Variants in PLXND1 observed in about 807,000 individuals in gnomAD.
PLXND1 encodes the protein plexin D1, also known as plexin-D1.
A neutral mutation model predicts 197.7 loss-of-function variants in PLXND1; 54 were observed. The ratio of observed to expected loss-of-function variants is 0.27; its 90% CI spans 0.22 to 0.34. The LOEUF (loss-of-function observed/expected upper bound fraction) is 0.34, where lower values mean the gene tolerates loss of function less well. Among genes scored for constraint, PLXND1 ranks in the 10% least tolerant of loss-of-function variants. The pLI is 1.00. For missense variants in PLXND1, 2,127 were observed against 2,699.2 expected (o/e 0.79, Z 4.70); for synonymous variants, 1,180 against 1,161.2 (o/e 1.02, Z -0.33).
rs568946803 is a variant in PLXND1, at chr3:129,577,555, G to A, written c.2346+774C>T. On this transcript the variant is annotated intron_variant, in intron 9 of 35. Coordinates refer to ENST00000324093, the MANE Select transcript of PLXND1 (RefSeq NM_015103.3). This position sits in a 1 kb window ranked among gnomAD's most constrained non-coding sequence, Gnocchi z 5.0. ...CCGACACATCCCAGATGCCCGGCAC[G>A]TGGCCACCACGTGTGACAGCTCTCA... Among the ~76,000 whole-genome samples, 7 of 152,166 alleles carry A rather than the reference G, an allele frequency of 4.6e-5. No individual in the cohort carries two copies. The highest frequency in any genetic ancestry group is 1.2e-4 in the African/African-American group (5 of 41,570).
rs1467095603 is a variant in PLXND1 at position 129,605,367 on chromosome 3, C to T, written c.1273G>A (p.Gly425Ser). ...VVAVLDSVVQ[G>S]TGPACERKLN... ...TTGCGCTCACAGGCCGGTCCCGTGC[C>T]CTGCACCACGCTGTCGAGCACCGCC... The change falls in exon 1 of 36, where the codon GGC (glycine) becomes AGC (serine). Residue 425 changes from glycine (G) to serine (S), a missense_variant. By Grantham distance (56) the Gly-to-Ser change is moderately conservative (BLOSUM62 0). Coordinates refer to ENST00000324093, the MANE Select transcript of PLXND1 (RefSeq NM_015103.3). 1 of 1,494,538 alleles carries T rather than the reference C, an allele frequency of 6.7e-7. No individual in the cohort carries two copies. The highest frequency in any genetic ancestry group is 8.8e-7 in the Non-Finnish European group (1 of 1,130,392). The allele number at this position is 1,494,538 out of a possible 1,614,324, so 92.6% of individuals were successfully genotyped here.
chr3:129,557,245 T>C lies in PLXND1; in HGVS notation c.5446-22A>G, dbSNP rs770267860. 1.4e-5 allele frequency: 23 copies of C among 1,613,242 alleles called. No homozygotes were observed. In the East Asian group the frequency reaches 4.7e-4, roughly 33 times the overall value. The stretch of plus-strand genomic sequence containing the variant: ...AATCCTGGGCAGAGAAGAGCGAGGG[T>C]GTTAGATGGCTGCTGGAGAAAGGAC... On this transcript the variant is annotated intron_variant, in intron 33 of 35. Transcript: ENST00000324093. This position sits in a 1 kb window ranked among gnomAD's most constrained non-coding sequence, Gnocchi z 4.8.
intron 25 of PLXND1, 97 bp from the exon 26 acceptor site, chr3:129,563,337 C>A (rs2085090843): frequency 1.0e-6 from 1 of 979,926 alleles, no homozygotes; most frequent in East Asian, 2.7e-5. Flanking sequence ...CCCAACCCCT[C>A]CAACAGTCTC....
chr3:129,583,186 C>T (rs559897887), intron 8 of PLXND1, among the ~76,000 whole-genome samples: 3 of 152,270 alleles, frequency 2.0e-5, no homozygotes, highest in African/African-American at 4.8e-5. Context: ...CCCTGAACAC[C>T]TAGGGTTGTT....
intron 13 of PLXND1, among the ~76,000 whole-genome samples, chr3:129,573,237 C>A (rs929443781): frequency 6.6e-6 from 1 of 152,090 alleles, no homozygotes; most frequent in Non-Finnish European, 1.5e-5. Flanking sequence ...TTCCTACGGC[C>A]CCTCTGGGCC....
At chr3:129,596,834 T>C (rs1477879555) in intron 1 of PLXND1, among the ~76,000 whole-genome samples, 1 of 152,174 alleles carries the variant, frequency 6.6e-6, no homozygotes, top group African/African-American at 2.4e-5. Context: ...GCACGACCGC[T>C]GTGGACACAG....
chr3:129,560,406 G>C lies in PLXND1; in HGVS notation c.5057C>G (p.Pro1686Arg). Residue 1686 changes from proline to arginine, a missense_variant, in exon 31 of 36, where the codon CCC (proline) becomes CGC (arginine). By Grantham distance (103) the Pro-to-Arg change is moderately radical. Around this residue, in one of 6 missense-constraint regions of PLXND1, gnomAD observed 53 missense variants for 41.4 expected, o/e 1.28. Coordinates refer to ENST00000324093, the MANE Select transcript of PLXND1 (RefSeq NM_015103.3). ...ATGGCTCTGCCGGTGAGACTTCTTG[G>C]GCTCCGCCAGCTCGTCCGTAGGCAG... ...LVLPTDELAE[P>R]KKSHRQSHRK... is the part of the protein sequence containing the mutation. 6 of 1,613,820 alleles carry C rather than the reference G, an allele frequency of 3.7e-6. No individual in the cohort carries two copies. The highest frequency in any genetic ancestry group is 5.1e-6 in the Non-Finnish European group (6 of 1,179,776).
Position 129,605,754 on chromosome 3 carries a change from A to G in PLXND1, c.886T>C (p.Tyr296His). The G allele has an allele frequency of 1.3e-6, 2 of 1,558,926 alleles. No homozygotes were observed. The highest frequency in any genetic ancestry group is 1.4e-5 in the African/African-American group (1 of 73,454). ...TCGCTGTTGAGCGCCAGGTACGCGTAGGACTGTGCACCCGGCGGCGGGTCG... is the reference window on the plus strand; with the variant it reads ...TCGCTGTTGAGCGCCAGGTACGCGTGGGACTGTGCACCCGGCGGCGGGTCG... ...PSDPPPGAQS[Y>H]AYLALNSEAR... The change falls in exon 1 of 36, where the codon TAC (tyrosine) becomes CAC (histidine). Residue 296 changes from tyrosine to histidine, a missense_variant. By Grantham distance (83) the Tyr-to-His change is moderately conservative. Around this residue, in one of 6 missense-constraint regions of PLXND1, gnomAD observed 1,095 missense variants for 1,259.8 expected, o/e 0.87. Coordinates refer to ENST00000324093, the MANE Select transcript of PLXND1 (RefSeq NM_015103.3).
At chr3:129,589,313 C>CCCCCCCCCCCCCCCCCCACCCCCCCCCA in intron 2 of PLXND1, 38 bp downstream of exon 2, 1 of 592,308 alleles carries the variant, frequency 1.7e-6, no homozygotes, top group Non-Finnish European at 3.0e-6. Context: ...GGGAGCCTCC[C>CCCCCCCCCCCCCCCCCCACCCCCCCCCA]ACCCCCACCC....
intron 1 of PLXND1, among the ~76,000 whole-genome samples, chr3:129,596,930 C>T (rs1036955447): frequency 1.3e-5 from 2 of 152,268 alleles, no homozygotes; most frequent in African/African-American, 4.8e-5. Flanking sequence ...GACAACGGGG[C>T]CCTCTCTCCA....
intron 1 of PLXND1, among the ~76,000 whole-genome samples, chr3:129,595,330 T>C (rs1388615811): frequency 1.3e-5 from 2 of 152,190 alleles, no homozygotes; most frequent in Non-Finnish European, 2.9e-5. Flanking sequence ...GTGCCAGCCC[T>C]GGGAGGGGGC....
chr3:129,599,057 C>T (rs1359746994), intron 1 of PLXND1, among the ~76,000 whole-genome samples: 1 of 152,206 alleles, frequency 6.6e-6, no homozygotes, highest in Non-Finnish European at 1.5e-5. Flanking sequence ...TGGGCCAACT[C>T]CAGGGTCGGA....
At chr3:129,575,373 G>A (rs979782313) in intron 11 of PLXND1, 96 bp downstream of exon 11, 24 of 737,478 alleles carry the variant, frequency 3.3e-5, no homozygotes, top group South Asian at 4.7e-5. Context: ...GGACATCTGC[G>A]GCTTTGGGGC....
chr3:129,589,405 G>A lies in PLXND1; in HGVS notation c.1434C>T (p.Ser478=), dbSNP rs368935233. The change falls in exon 2 of 36, where the codon AGC becomes AGT. Residue 478 remains serine (S), a synonymous_variant. Coordinates refer to ENST00000324093, the MANE Select transcript of PLXND1 (RefSeq NM_015103.3). ...APGLTSVAVA[S]VNNYTAVFLG... is the part of the protein sequence containing the mutation. ...GGAAGACCGCTGTGTAGTTGTTGAC[G>A]CTGGCCACGGCCACGGAGGTGAGGC... 5.1e-5 allele frequency: 82 copies of A among 1,609,946 alleles called. No homozygotes were observed. The highest frequency in any genetic ancestry group is 2.0e-4 in the Middle Eastern group (1 of 5,066).
At chr3:129,568,092 A>C (rs1211222341) in intron 20 of PLXND1, among the ~76,000 whole-genome samples, 1 of 145,200 alleles carries the variant, frequency 6.9e-6, no homozygotes, top group Non-Finnish European at 1.5e-5. Context: ...TAGCCCCGTT[A>C]AAAAAAAAAA....
chr3:129,595,032 C>T (rs1297521828), intron 1 of PLXND1, among the ~76,000 whole-genome samples: 4 of 152,178 alleles, frequency 2.6e-5, no homozygotes, highest in Non-Finnish European at 4.4e-5. Context: ...CCCCCGTCCC[C>T]GCCAACTCCT....
At chr3:129,605,221 G>A (rs1362822681) in intron 1 of PLXND1, 108 bp downstream of exon 1, 1 of 494,158 alleles carries the variant, frequency 2.0e-6, no homozygotes, top group African/African-American at 2.0e-5. Context: ...ATCTCTGCGC[G>A]CTCCCACCTG....
Position 129,606,145 on chromosome 3 carries a change from G to C in PLXND1, c.495C>G (p.Pro165=). 6.6e-7 allele frequency: 1 copy of C among 1,510,252 alleles called. No homozygotes were observed. The highest frequency in any genetic ancestry group is 8.8e-7 in the Non-Finnish European group (1 of 1,136,746). The allele number at this position is 1,510,252 out of a possible 1,614,324, so 93.6% of individuals were successfully genotyped here. The change falls in exon 1 of 36, where the codon CCC becomes CCG. Residue 165 remains proline (P), a synonymous_variant. Transcript: ENST00000324093. ...NISAVAVRFP[P]AAPPAEPVTV... ...TGACGGGCTCGGCGGGCGGCGCGGC[G>C]GGCGGGAAGCGCACGGCCACGGCCG...
At chr3:129,585,899 G>C in intron 5 of PLXND1, 53 bp downstream of exon 5, 3 of 1,609,142 alleles carry the variant, frequency 1.9e-6, no homozygotes, top group Non-Finnish European at 2.5e-6. Flanking sequence ...GGTGCTGGGT[G>C]AAGGGAGGCT....
Sources: allele counts gnomAD v4.1 joint callset (sites outside exome capture counted in the v4.1 genomes callset), GRCh38; gene constraint gnomAD v4.1.1; regional missense constraint gnomAD v4.1.1; non-coding constraint Gnocchi (gnomAD v3.1); transcripts MANE v1.5; gene names NCBI Gene and HGNC (gene_info 2026-07-23, HGNC 2026-07-21).